Variants in VSTM2B observed in about 807,000 individuals in gnomAD.
VSTM2B encodes the protein V-set and transmembrane domain-containing protein 2B.
VSTM2B carries 24 observed loss-of-function variants against 24.0 expected under a neutral mutation model. The ratio of observed to expected loss-of-function variants is 1.00; its 90% CI spans 0.72 to 1.40. The LOEUF is 1.40. Ranked by LOEUF, VSTM2B falls within the 40% of genes most tolerant of loss-of-function variation. VSTM2B has a pLI of 0.00. For missense variants in VSTM2B, 399 were observed against 416.4 expected (o/e 0.96, Z 0.36); for synonymous variants, 226 against 194.4 (o/e 1.16, Z -1.35).
At chr19:29,548,929 C>T (rs1337579451) in intron 4 of VSTM2B, among the ~76,000 whole-genome samples, 1 of 152,176 alleles carries the variant, frequency 6.6e-6, no homozygotes, top group Non-Finnish European at 1.5e-5. Context: ...GAGGCTGGGG[C>T]AGGACTGGCA....
chr19:29,542,135 A>G (rs115384494), intron 4 of VSTM2B, among the ~76,000 whole-genome samples: 8,786 of 139,770 alleles, frequency 0.063, 309 homozygotes, highest in Middle Eastern at 0.17. Flanking sequence ...GAAGGATTAT[A>G]AATAGATGGG....
intron 4 of VSTM2B, among the ~76,000 whole-genome samples, chr19:29,546,676 A>G (rs57536232): frequency 2.0e-4 from 22 of 108,390 alleles, no homozygotes; most frequent in African/African-American, 7.3e-4. Flanking sequence ...GGGAGCCCCC[A>G]CCCCCACCCC....
intron 4 of VSTM2B, among the ~76,000 whole-genome samples, chr19:29,556,908 C>G (rs1970421754): frequency 6.6e-6 from 1 of 152,178 alleles, no homozygotes; most frequent in Middle Eastern, 3.2e-3. Flanking sequence ...GAAAAACATT[C>G]CATGCTCATG....
chr19:29,548,832 T>C (rs553428433), intron 4 of VSTM2B, among the ~76,000 whole-genome samples: 1 of 152,314 alleles, frequency 6.6e-6, no homozygotes, highest in South Asian at 2.1e-4. Context: ...GCCTCCTGGG[T>C]CCTGCGCCAG....
At chr19:29,558,439 AGCAAAGAC>A (rs1045548645) in intron 4 of VSTM2B, among the ~76,000 whole-genome samples, 1 of 152,204 alleles carries the variant, frequency 6.6e-6, no homozygotes, top group African/African-American at 2.4e-5. Flanking sequence ...TATTCACAAT[AGCAAAGAC>A]ATGGAATCAA....
At chr19:29,549,001 G>A (rs1015204237) in intron 4 of VSTM2B, among the ~76,000 whole-genome samples, 1 of 152,216 alleles carries the variant, frequency 6.6e-6, no homozygotes, top group Non-Finnish European at 1.5e-5. Flanking sequence ...TTTCTGCTGG[G>A]AAGAGCAGCC....
intron 4 of VSTM2B, among the ~76,000 whole-genome samples, chr19:29,533,075 G>T (rs1969798275): frequency 6.6e-6 from 1 of 152,212 alleles, no homozygotes; most frequent in Non-Finnish European, 1.5e-5. Context: ...GAATGAGAGA[G>T]TGAAGATGCT....
At chr19:29,527,433 C>T in intron 2 of VSTM2B, 38 bp downstream of exon 2, 1 of 1,425,362 alleles carries the variant, frequency 7.0e-7, no homozygotes, top group Non-Finnish European at 9.1e-7. Context: ...GCGCGCCCGG[C>T]TCGCGCCCGG....
At chr19:29,540,578 G>A (rs1011200902) in intron 4 of VSTM2B, among the ~76,000 whole-genome samples, 5 of 152,254 alleles carry the variant, frequency 3.3e-5, no homozygotes, top group African/African-American at 4.8e-5. Flanking sequence ...GATGCCCACA[G>A]ACAGCAGGCC....
intron 4 of VSTM2B, among the ~76,000 whole-genome samples, chr19:29,538,214 T>C (rs1005071146): frequency 3.3e-5 from 5 of 152,164 alleles, no homozygotes; most frequent in East Asian, 1.9e-4. Flanking sequence ...AACCATTTGA[T>C]TGGAATCTTG....
At chr19:29,530,578 C>G (rs1396302735) in intron 4 of VSTM2B, among the ~76,000 whole-genome samples, 1 of 152,110 alleles carries the variant, frequency 6.6e-6, no homozygotes, top group East Asian at 1.9e-4. Context: ...TGTGGGGAGG[C>G]GACCTCTTTT....
At position 29,526,806 on chromosome 19, in the gene VSTM2B, T is replaced by A. The variant is rs968674203; in HGVS notation, c.82+141T>A. 4.2e-5 allele frequency: 31 copies of A among 744,148 alleles called. No individual in the cohort carries two copies. The highest frequency in any genetic ancestry group is 6.3e-5 in the Non-Finnish European group (31 of 493,852). 46.1% of individuals were successfully genotyped at this position (744,148 alleles called of 1,614,324 possible). ...GCTGTGCAGCCTGGGCCCGGAGGGGTAGGGAGAGGCGAGCGGCGAAGGGTC... is the reference window on the plus strand; with the variant it reads ...GCTGTGCAGCCTGGGCCCGGAGGGGAAGGGAGAGGCGAGCGGCGAAGGGTC... On this transcript the variant is annotated intron_variant, in intron 1 of 4. Transcript: ENST00000335523. This position sits in a 1 kb window ranked among gnomAD's most constrained non-coding sequence, Gnocchi z 4.1.
At chr19:29,530,947 A>G (rs972261320) in intron 4 of VSTM2B, among the ~76,000 whole-genome samples, 3 of 144,212 alleles carry the variant, frequency 2.1e-5, no homozygotes, top group Non-Finnish European at 3.0e-5. Flanking sequence ...AGGCACCCAG[A>G]GGGGAAGGCT....
In VSTM2B at chr19:29,529,909, T is replaced by G. The variant is rs909083162; in HGVS notation, c.388T>G (p.Ser130Ala). The G allele has an allele frequency of 3.2e-6, 5 of 1,550,234 alleles. No homozygotes were observed. In the African/African-American group the frequency reaches 6.8e-5, roughly 21 times the overall value. ...CGAGGGCGTGTACGAGTGCCGCGTG[T>G]CGGACTACAGCGACGACGACACGCA... The part of the protein sequence containing the change: ...QDEGVYECRV[S>A]DYSDDDTQEH... The change falls in exon 4 of 5, where the codon TCG (serine) becomes GCG (alanine). Residue 130 changes from serine to alanine, a missense_variant. Transcript: ENST00000335523.
At chr19:29,551,721 G>T (rs1038985320) in intron 4 of VSTM2B, among the ~76,000 whole-genome samples, 2 of 152,110 alleles carry the variant, frequency 1.3e-5, no homozygotes, top group African/African-American at 2.4e-5. Context: ...GCCTGATTTT[G>T]CACCTTAATC....
chr19:29,530,025 C>G lies in VSTM2B; in HGVS notation c.504C>G (p.Ser168Arg). The G allele has an allele frequency of 1.3e-6, 2 of 1,531,480 alleles. No individual in the cohort carries two copies. Among genetic ancestry groups the G allele is most frequent in the Non-Finnish European group, 1.7e-6 (2 of 1,143,676 alleles). 94.9% of individuals were successfully genotyped at this position (1,531,480 alleles called of 1,614,324 possible). A position where few individuals can be genotyped will look rare whatever the true frequency, so the allele number is the denominator to read the frequency against. ...CCGAGGCCGTGTCCCACATCCAGAG[C>G]AGCGGCCCGCGTCGCCACGGCCCAG... ...QAAEAVSHIQ[S>R]SGPRRHGPAS... The change falls in exon 4 of 5, where the codon AGC (serine) becomes AGG (arginine). Residue 168 changes from serine (S) to arginine (R), a missense_variant. Transcript: ENST00000335523.
intron 4 of VSTM2B, among the ~76,000 whole-genome samples, chr19:29,552,803 C>T (rs1185157153): frequency 6.6e-6 from 1 of 152,192 alleles, no homozygotes; most frequent in East Asian, 1.9e-4. Flanking sequence ...GTGGTTTGGA[C>T]CCAGGAGGAA....
At chr19:29,547,466 G>C (rs994714592) in intron 4 of VSTM2B, among the ~76,000 whole-genome samples, 13 of 152,206 alleles carry the variant, frequency 8.5e-5, no homozygotes, top group African/African-American at 2.9e-4. Context: ...GCTGGGTTCT[G>C]TCTGCTTGAC....
intron 4 of VSTM2B, among the ~76,000 whole-genome samples, chr19:29,559,799 C>T (rs879611302): frequency 1.5e-4 from 23 of 152,240 alleles, no homozygotes; most frequent in East Asian, 9.7e-4. Flanking sequence ...CTGTTTGAGG[C>T]GCTGTTGTTT....
Sources: gnomAD v4.1 joint callset for allele counts (sites outside exome capture counted in the v4.1 genomes callset) on GRCh38, gnomAD v4.1.1 for gene constraint, Gnocchi (gnomAD v3.1) non-coding constraint, MANE v1.5 for transcripts, NCBI Gene and HGNC (gene_info 2026-07-23, HGNC 2026-07-21) for gene names.